The following CLSTN2 variants were observed in gnomAD, a reference collection of about 807,000 sequenced individuals.
The protein encoded by CLSTN2 is calsyntenin 2.
Under a neutral mutation model 101.2 loss-of-function variants are expected in CLSTN2, and 48 were observed. That is an observed-to-expected ratio of 0.47 (90% CI 0.38 to 0.60). The LOEUF (loss-of-function observed/expected upper bound fraction) is 0.60, where lower values mean the gene tolerates loss of function less well. CLSTN2 is among the 20% of genes least tolerant of loss of function. The pLI, the probability that CLSTN2 is intolerant of heterozygous loss-of-function variation, is 0.00. For synonymous variants in CLSTN2, 481 were observed against 463.6 expected (o/e 1.04, Z -0.48); for missense variants, 1,160 against 1,238.2 (o/e 0.94, Z 0.95).
chr3:140,080,023 G>A (rs995754920), intron 1 of CLSTN2, among the ~76,000 whole-genome samples: 3 of 152,092 alleles, frequency 2.0e-5, no homozygotes, highest in Non-Finnish European at 2.9e-5. Flanking sequence ...GTCATATGAG[G>A]CATTTTATTC....
At chr3:140,000,331 T>C (rs944451930) in intron 1 of CLSTN2, among the ~76,000 whole-genome samples, 1 of 152,232 alleles carries the variant, frequency 6.6e-6, no homozygotes, top group Non-Finnish European at 1.5e-5. Context: ...CACTTATTAA[T>C]ATTTTGGAAG....
intron 5 of CLSTN2, among the ~76,000 whole-genome samples, chr3:140,434,200 C>G (rs139645901): frequency 1.3e-5 from 2 of 152,192 alleles, no homozygotes; most frequent in Non-Finnish European, 2.9e-5. Context: ...ACATCTACCT[C>G]CCAGAGATCC....
chr3:140,470,431 GT>G (rs1933814885), intron 8 of CLSTN2, among the ~76,000 whole-genome samples: 1 of 152,242 alleles, frequency 6.6e-6, no homozygotes, highest in Non-Finnish European at 1.5e-5. Context: ...GGAATGTGGA[GT>G]TCTCTGTGGT....
chr3:140,404,682 G>A lies in CLSTN2; in HGVS notation c.553G>A (p.Asp185Asn). ...CAGCATTCTGCAGGTGGAGGCCATT[G>A]ACGAGGACTGCTCCCCACAGTACAG... ...YDSILQVEAI[D>N]EDCSPQYSQI... The change falls in exon 4 of 17, where the codon GAC (aspartate) becomes AAC (asparagine). Residue 185 changes from aspartate (D) to asparagine (N), a missense_variant. Coordinates refer to ENST00000458420, the MANE Select transcript of CLSTN2 (RefSeq NM_022131.3). The A allele has an allele frequency of 1.2e-6, 2 of 1,614,198 alleles. No homozygotes were observed. The highest frequency in any genetic ancestry group is 1.7e-6 in the Non-Finnish European group (2 of 1,180,034).
chr3:140,477,590 T>TA (rs765342715), intron 8 of CLSTN2, among the ~76,000 whole-genome samples: 4 of 152,244 alleles, frequency 2.6e-5, no homozygotes, highest in Non-Finnish European at 5.9e-5. Context: ...CTTTTGAGGT[T>TA]AAAACTTAAC....
rs1039246316 is a variant in CLSTN2, at chr3:140,280,123, TC to T, written c.232+104053del. Reference sequence around the variant, plus strand: ...GAGTGTCAAACTGAAATATTCATGCTCCCTCTGAAATAAAGGGAGTTTTAGG... The same window carrying T: ...GAGTGTCAAACTGAAATATTCATGCTCCTCTGAAATAAAGGGAGTTTTAGG... On this transcript the variant is annotated intron_variant, in intron 2 of 16. Transcript: ENST00000458420. 3.7e-4 allele frequency among the ~76,000 whole-genome samples: 56 copies of T among 152,202 alleles called. 2 individuals carry two copies. The highest frequency in any genetic ancestry group is 3.7e-3 in the Admixed American group (56 of 15,280).
At chr3:140,080,539 T>C (rs1290886787) in intron 1 of CLSTN2, among the ~76,000 whole-genome samples, 1 of 152,196 alleles carries the variant, frequency 6.6e-6, no homozygotes, top group Non-Finnish European at 1.5e-5. Flanking sequence ...CTTCTTTCTC[T>C]GGCCCTTGAG....
At chr3:140,351,932 C>T (rs2087611001) in intron 2 of CLSTN2, among the ~76,000 whole-genome samples, 2 of 151,080 alleles carry the variant, frequency 1.3e-5, no homozygotes, top group African/African-American at 2.4e-5. Flanking sequence ...ATTAGTGATA[C>T]AGAGAAGGAC....
chr3:140,542,978 G>A (rs540178849), intron 9 of CLSTN2, among the ~76,000 whole-genome samples: 34 of 152,170 alleles, frequency 2.2e-4, no homozygotes, highest in South Asian at 6.2e-4. Flanking sequence ...ACTTTCTACC[G>A]GTGTGGCTTT....
chr3:140,172,633 T>A (rs975976557), intron 1 of CLSTN2, among the ~76,000 whole-genome samples: 2 of 152,166 alleles, frequency 1.3e-5, no homozygotes, highest in African/African-American at 4.8e-5. Flanking sequence ...TACTCAAGAC[T>A]AGGCAATTTA....
At chr3:139,965,165 A>G (rs567140043) in intron 1 of CLSTN2, among the ~76,000 whole-genome samples, 3 of 152,328 alleles carry the variant, frequency 2.0e-5, no homozygotes, top group African/African-American at 7.2e-5. Context: ...AGCTGTTTAA[A>G]GTAATTAATC....
intron 1 of CLSTN2, among the ~76,000 whole-genome samples, chr3:140,040,214 C>T (rs1445285469): frequency 6.6e-6 from 1 of 152,084 alleles, no homozygotes. Context: ...TTCAATGACC[C>T]CCTACATATG....
At chr3:140,126,009 A>AATG (rs979970221) in intron 1 of CLSTN2, among the ~76,000 whole-genome samples, 8 of 152,062 alleles carry the variant, frequency 5.3e-5, no homozygotes, top group African/African-American at 1.7e-4. Context: ...TACTAGAGTG[A>AATG]ATGAGAGGAG....
chr3:140,231,375 A>C (rs1435226085), intron 2 of CLSTN2, among the ~76,000 whole-genome samples: 1 of 152,140 alleles, frequency 6.6e-6, no homozygotes, highest in Non-Finnish European at 1.5e-5. Flanking sequence ...TCACAAAAAG[A>C]GATTGAAAAA....
At chr3:139,954,466 G>A (rs991217184) in intron 1 of CLSTN2, among the ~76,000 whole-genome samples, 3 of 152,120 alleles carry the variant, frequency 2.0e-5, no homozygotes, top group African/African-American at 7.2e-5. Context: ...TTTCCTCTGG[G>A]CTCAGGACTC....
At chr3:140,464,385 G>A (rs1648785622) in intron 7 of CLSTN2, among the ~76,000 whole-genome samples, 1 of 152,196 alleles carries the variant, frequency 6.6e-6, no homozygotes, top group East Asian at 1.9e-4. Flanking sequence ...TCAAGAAAGT[G>A]AGCAGAAGGC....
intron 1 of CLSTN2, among the ~76,000 whole-genome samples, chr3:140,126,080 G>A (rs777036870): frequency 6.6e-6 from 1 of 152,170 alleles, no homozygotes. Flanking sequence ...TTGGTTCAGT[G>A]GTTGGTGATG....
chr3:140,217,860 G>T (rs895975092), intron 2 of CLSTN2, among the ~76,000 whole-genome samples: 1 of 152,158 alleles, frequency 6.6e-6, no homozygotes, highest in African/African-American at 2.4e-5. Context: ...AAATTTTAAA[G>T]GTTCTCTACA....
At chr3:140,435,147 A>T (rs533039817) in intron 5 of CLSTN2, among the ~76,000 whole-genome samples, 1 of 152,176 alleles carries the variant, frequency 6.6e-6, no homozygotes, top group East Asian at 1.9e-4. Flanking sequence ...GCTGTCAGAT[A>T]GTAGGTCTTA....
Sources: allele counts gnomAD v4.1 joint callset (sites outside exome capture counted in the v4.1 genomes callset), GRCh38; gene constraint gnomAD v4.1.1; transcripts MANE v1.5; gene names NCBI Gene and HGNC (gene_info 2026-07-23, HGNC 2026-07-21).